Variants in CUX1 observed in about 807,000 individuals in gnomAD.
CUX1 encodes cut like homeobox 1.
CUX1 carries 31 observed loss-of-function variants against 158.8 expected under a neutral mutation model. The ratio of observed to expected loss-of-function variants is 0.20; its 90% confidence interval spans 0.15 to 0.26. The LOEUF is 0.26. Ranked by LOEUF, CUX1 falls within the 10% of genes least tolerant of loss-of-function variation. CUX1 has a pLI of 1.00. For missense variants in CUX1, 1,589 were observed against 2,014.6 expected (o/e 0.79, Z 4.04); for synonymous variants, 879 against 862.1 (o/e 1.02, Z -0.34).
Position 101,869,166 on chromosome 7 carries a change from G to A in CUX1, c.31-46949G>A, listed in dbSNP as rs1442106263. On this transcript the variant is annotated intron_variant, in intron 1 of 23. Coordinates refer to ENST00000292535, the MANE Select transcript of CUX1 (RefSeq NM_181552.4). The surrounding 1 kb of genome is among the most constrained non-coding windows in gnomAD (Gnocchi z 4.5). ...TCCACCTGGGATGTGGGAATGGCTG[G>A]TGGGGGCAGGTAGGGGGAGACCAGG... 1.3e-5 allele frequency among the ~76,000 whole-genome samples: 2 copies of A among 152,148 alleles called. No homozygotes were observed. Among genetic ancestry groups the A allele is most frequent in the African/African-American group, 2.4e-5 (1 of 41,438 alleles).
At chr7:102,191,849 G>A (rs1332217161) in intron 12 of CUX1, among the ~76,000 whole-genome samples, 5 of 151,148 alleles carry the variant, frequency 3.3e-5, no homozygotes, top group Non-Finnish European at 7.4e-5. Flanking sequence ...TCCCCTGGGA[G>A]CTGAGGCTTC....
At chr7:102,085,999 T>C (rs1827919403) in intron 4 of CUX1, among the ~76,000 whole-genome samples, 1 of 152,224 alleles carries the variant, frequency 6.6e-6, no homozygotes, top group South Asian at 2.1e-4. Context: ...TTTGGTAATT[T>C]GGAATTTTTA....
intron 1 of CUX1, among the ~76,000 whole-genome samples, chr7:101,825,697 T>G (rs1404494222): frequency 6.6e-6 from 1 of 152,108 alleles, no homozygotes; most frequent in African/African-American, 2.4e-5. Flanking sequence ...TACGTGGCTC[T>G]GTGTTGGTAT....
At chr7:101,896,936 C>T (rs1001218114) in intron 1 of CUX1, among the ~76,000 whole-genome samples, 4 of 152,196 alleles carry the variant, frequency 2.6e-5, no homozygotes, top group Admixed American at 2.6e-4. Context: ...ATAAGGCAAG[C>T]AGTCAGTCCC....
chr7:102,226,960 T>C (rs1271486472), intron 20 of CUX1, among the ~76,000 whole-genome samples: 1 of 152,162 alleles, frequency 6.6e-6, no homozygotes, highest in Non-Finnish European at 1.5e-5. Context: ...ACAATCTGTC[T>C]ATGCTTTTTG....
chr7:101,898,704 C>A (rs565648069), intron 1 of CUX1, among the ~76,000 whole-genome samples: 1 of 151,306 alleles, frequency 6.6e-6, no homozygotes, highest in African/African-American at 2.4e-5. Context: ...GATTCTCCTG[C>A]GTCAGCCTCC....
upstream of CUX1, chr7:101,816,118 C>G (rs781221160): frequency 1.7e-5 from 22 of 1,315,280 alleles, no homozygotes; most frequent in South Asian, 2.8e-4. Flanking sequence ...CGCTCGGCCT[C>G]GCGCCCGGGG....
At chr7:102,259,947 T>A (rs1011291448), downstream of CUX1, among the ~76,000 whole-genome samples, 1 of 150,928 alleles carries the variant, frequency 6.6e-6, no homozygotes, top group South Asian at 2.1e-4. Flanking sequence ...AATAAAAAAT[T>A]AGTTGGGCAT....
intron 20 of CUX1, among the ~76,000 whole-genome samples, chr7:102,211,283 T>TA (rs1334634916): frequency 6.9e-4 from 105 of 151,122 alleles, no homozygotes; most frequent in African/African-American, 2.2e-3. Flanking sequence ...CGGTCTCTAC[T>TA]AAAAATATAA....
intron 2 of CUX1, among the ~76,000 whole-genome samples, chr7:102,027,368 A>T (rs1175237210): frequency 2.4e-4 from 37 of 152,014 alleles, no homozygotes; most frequent in Non-Finnish European, 1.3e-4. Context: ...GCGAGACTCC[A>T]TCTCAAAAAA....
chr7:101,922,523 C>T (rs2129098469), intron 2 of CUX1, among the ~76,000 whole-genome samples: 1 of 152,354 alleles, frequency 6.6e-6, no homozygotes, highest in African/African-American at 2.4e-5. Flanking sequence ...CTCCCAGACA[C>T]TCATCCATGC....
At chr7:101,834,234 C>T (rs1258280001) in intron 1 of CUX1, among the ~76,000 whole-genome samples, 2 of 130,132 alleles carry the variant, frequency 1.5e-5, no homozygotes, top group Admixed American at 9.0e-5. Context: ...AGTGCAGTGG[C>T]ACTATCTCAG....
intron 8 of CUX1, among the ~76,000 whole-genome samples, chr7:102,119,209 G>T (rs1423585279): frequency 6.6e-6 from 1 of 152,196 alleles, no homozygotes; most frequent in African/African-American, 2.4e-5. Context: ...GGAGGAAATT[G>T]ACTTTCACCG....
At chr7:102,202,246 C>T (rs1554520048) in intron 18 of CUX1, 42 bp downstream of exon 18, 1 of 1,548,598 alleles carries the variant, frequency 6.5e-7, no homozygotes, top group Non-Finnish European at 8.7e-7. Flanking sequence ...CCCATCTCTT[C>T]TCCTTGCTGA....
At chr7:102,073,165 CTTTT>C (rs869202667) in intron 4 of CUX1, among the ~76,000 whole-genome samples, 21 of 66,882 alleles carry the variant, frequency 3.1e-4, no homozygotes, top group East Asian at 2.5e-3. Flanking sequence ...TCTTTTCTTT[CTTTT>C]TTTTTTTTTT....
intron 1 of CUX1, among the ~76,000 whole-genome samples, chr7:101,875,164 T>C (rs1427011165): frequency 1.3e-5 from 2 of 152,174 alleles, no homozygotes; most frequent in East Asian, 3.9e-4. Flanking sequence ...TTAGAAAGAT[T>C]ACCTTTGTCC....
chr7:101,974,895 G>A (rs1812450455), intron 2 of CUX1, among the ~76,000 whole-genome samples: 1 of 152,132 alleles, frequency 6.6e-6, no homozygotes, highest in Admixed American at 6.5e-5. Context: ...GGGAGGTCTG[G>A]GAATGGGATT....
At chr7:102,067,935 T>A (rs1825728483) in intron 3 of CUX1, among the ~76,000 whole-genome samples, 1 of 151,642 alleles carries the variant, frequency 6.6e-6, no homozygotes, top group African/African-American at 2.4e-5. Flanking sequence ...GCAGGAGAAT[T>A]GTTTGAACCC....
At chr7:101,925,647 T>A (rs1342475134) in intron 2 of CUX1, among the ~76,000 whole-genome samples, 1 of 152,064 alleles carries the variant, frequency 6.6e-6, no homozygotes, top group Non-Finnish European at 1.5e-5. Context: ...AAAAAAAAAA[T>A]TCAGCCAGGT....
Sources: gnomAD v4.1 joint callset for allele counts (sites outside exome capture counted in the v4.1 genomes callset) on GRCh38, gnomAD v4.1.1 for gene constraint, Gnocchi (gnomAD v3.1) non-coding constraint, MANE v1.5 for transcripts, NCBI Gene and HGNC (gene_info 2026-07-23, HGNC 2026-07-21) for gene names.